The following C2CD2 variants were observed in gnomAD, a reference collection of about 807,000 sequenced individuals.
C2CD2 encodes C2 domain-containing protein 2.
C2CD2 carries 43 observed loss-of-function variants against 74.3 expected under a neutral mutation model. The observed-to-expected ratio is 0.58, with a 90% confidence interval of 0.45 to 0.75. The LOEUF is 0.75. Ranked by LOEUF, C2CD2 falls within the 30% of genes least tolerant of loss-of-function variation. The probability of loss-of-function intolerance (pLI) is 0.00; values close to 1 mark genes in which losing one functional copy is unlikely to be tolerated. For synonymous variants in C2CD2, 422 were observed against 390.7 expected, an observed-to-expected ratio of 1.08 and a Z score of -0.94; for missense variants, 801 against 916.3, an observed-to-expected ratio of 0.87 and a Z score of 1.63.
At chr21:41,908,882 C>T (rs1319141001) in intron 8 of C2CD2, 3 of 153,182 alleles carry the variant, frequency 2.0e-5, no homozygotes, top group African/African-American at 7.2e-5. Context: ...GTGACTTTAC[C>T]TCTAATTGTT....
rs148295903 is a variant in C2CD2 at position 41,922,137 on chromosome 21, G to A, written c.379-52C>T. Reference sequence around the variant, plus strand: ...AACTGTATCCAAAACAAAGGACAGCGCGTGCATACGCATCTTCTTCTTCTT... The same window carrying A: ...AACTGTATCCAAAACAAAGGACAGCACGTGCATACGCATCTTCTTCTTCTT... On this transcript the variant is annotated intron_variant, in intron 2 of 13. Transcript: ENST00000380486. The A allele has an allele frequency of 7.9e-3, 8,046 of 1,015,110 alleles. 41 individuals are homozygous for A. The highest frequency in any genetic ancestry group is 8.9e-3 in the Non-Finnish European group (5,810 of 653,292). 62.9% of individuals were successfully genotyped at this position (1,015,110 alleles called of 1,614,324 possible). A position where few individuals can be genotyped will look rare whatever the true frequency, so the allele number is the denominator to read the frequency against.
rs73363145 is a variant in C2CD2, at chr21:41,903,967, C to T, written c.1432+1757G>A. Among the ~76,000 whole-genome samples, 2,914 of 152,260 alleles carry T rather than the reference C, an allele frequency of 0.019. 104 individuals are homozygous for T. The highest frequency in any genetic ancestry group is 0.067 in the African/African-American group (2,770 of 41,514). ...AGCGGCATTAGTACCAGAGCGGCTCCAGCTCAAATAAGGGCTGGGCAAAAT... is the reference window on the plus strand; with the variant it reads ...AGCGGCATTAGTACCAGAGCGGCTCTAGCTCAAATAAGGGCTGGGCAAAAT... On this transcript the variant is annotated intron_variant, in intron 11 of 13. Coordinates refer to ENST00000380486, the MANE Select transcript of C2CD2 (RefSeq NM_015500.2). The surrounding 1 kb of genome is among the most constrained non-coding windows in gnomAD (Gnocchi z 4.5).
At chr21:41,950,940 A>G (rs1171918341) in intron 1 of C2CD2, among the ~76,000 whole-genome samples, 1 of 152,178 alleles carries the variant, frequency 6.6e-6, no homozygotes, top group East Asian at 1.9e-4. Context: ...GGACAGAGTG[A>G]TATCAGGACA....
chr21:41,940,730 T>C (rs536726452), intron 2 of C2CD2, among the ~76,000 whole-genome samples: 35 of 152,342 alleles, frequency 2.3e-4, no homozygotes, highest in African/African-American at 8.2e-4. Context: ...ATATGGGAAA[T>C]GTACATGTGA....
At chr21:41,914,948 C>T (rs186411806) in intron 5 of C2CD2, among the ~76,000 whole-genome samples, 153 of 152,256 alleles carry the variant, frequency 1.0e-3, no homozygotes, top group African/African-American at 3.4e-3. Flanking sequence ...GCATTTTCTA[C>T]CCCAAATACA....
At chr21:41,908,284 G>A (rs1044514545) in intron 8 of C2CD2, 1 of 87,008 alleles carries the variant, frequency 1.1e-5, no homozygotes, top group African/African-American at 4.0e-5. Context: ...AGTAAGGGGA[G>A]GGAGAGAGAG....
rs2065341602 is a variant in C2CD2 at position 41,939,999 on chromosome 21, G to C, written c.378+2148C>G. ...AATCCGAACATCCCAAATCTGAAAC[G>C]CTCCAAAATCTGAAACTTTTTGAGG... On this transcript the variant is annotated intron_variant, in intron 2 of 13. Transcript: ENST00000380486. This position sits in a 1 kb window ranked among gnomAD's most constrained non-coding sequence, Gnocchi z 5.5. Among the ~76,000 whole-genome samples, 1 of 152,216 alleles carries C rather than the reference G, an allele frequency of 6.6e-6. No homozygotes were observed. Among genetic ancestry groups the C allele is most frequent in the African/African-American group, 2.4e-5 (1 of 41,544 alleles).
At chr21:41,909,695 G>A (rs549669325) in intron 7 of C2CD2, among the ~76,000 whole-genome samples, 172 bp from the exon 8 acceptor site, 4 of 152,082 alleles carry the variant, frequency 2.6e-5, no homozygotes, top group African/African-American at 7.2e-5. Flanking sequence ...CTCCCCATTC[G>A]GAAACAGTTA....
At chr21:41,901,522 C>A (rs766192422) in intron 12 of C2CD2, 100 bp downstream of exon 12, 7 of 1,224,876 alleles carry the variant, frequency 5.7e-6, no homozygotes, top group Non-Finnish European at 8.5e-6. Flanking sequence ...ACTCTCTGGA[C>A]GTTAACCAAG....
chr21:41,917,428 G>C (rs1036398043), intron 5 of C2CD2, among the ~76,000 whole-genome samples: 3 of 152,178 alleles, frequency 2.0e-5, no homozygotes, highest in African/African-American at 4.8e-5. Context: ...GACTATAAGT[G>C]CCTGTTGTAC....
chr21:41,890,989 G>A (rs573060282), intron 13 of C2CD2, among the ~76,000 whole-genome samples: 5 of 152,286 alleles, frequency 3.3e-5, no homozygotes, highest in East Asian at 3.9e-4. Flanking sequence ...TGATCAAAGC[G>A]GCCATAATTT....
In C2CD2 at chr21:41,924,128, C is replaced by G. The variant is rs1259084827; in HGVS notation, c.379-2043G>C. On this transcript the variant is annotated intron_variant, in intron 2 of 13. Coordinates refer to ENST00000380486, the MANE Select transcript of C2CD2 (RefSeq NM_015500.2). The surrounding 1 kb of genome is among the most constrained non-coding windows in gnomAD (Gnocchi z 4.4). ...GGTGGATTTATCAGAATCTAAAATA[C>G]CAAATGGAAAGATTATCAAAATAAT... Among the ~76,000 whole-genome samples, 1 of 152,208 alleles carries G rather than the reference C, an allele frequency of 6.6e-6. No homozygotes were observed. The highest frequency in any genetic ancestry group is 2.4e-5 in the African/African-American group (1 of 41,464).
intron 2 of C2CD2, among the ~76,000 whole-genome samples, chr21:41,941,766 A>G (rs775202422): frequency 1.3e-5 from 2 of 152,120 alleles, no homozygotes; most frequent in Non-Finnish European, 2.9e-5. Flanking sequence ...TTTTCCCCCA[A>G]GAGTCCCTCA....
intron 2 of C2CD2, among the ~76,000 whole-genome samples, chr21:41,940,396 A>G (rs747595082): frequency 2.6e-5 from 4 of 152,322 alleles, no homozygotes; most frequent in Non-Finnish European, 4.4e-5. Flanking sequence ...AAAAATGTTA[A>G]ACACACAAAT....
chr21:41,921,014 C>G (rs879291420), intron 3 of C2CD2, among the ~76,000 whole-genome samples: 1 of 152,202 alleles, frequency 6.6e-6, no homozygotes, highest in South Asian at 2.1e-4. Context: ...CTCTTCAATT[C>G]CCTCAAAGGG....
rs142698391 is a variant in C2CD2, at chr21:41,899,892, A to G, written c.1561-530T>C. Among the ~76,000 whole-genome samples, 159 of 150,998 alleles carry G rather than the reference A, an allele frequency of 1.1e-3. 1 individual carries two copies. The East Asian group carries it at 0.03, about 28-fold the overall frequency. On this transcript the variant is annotated intron_variant, in intron 12 of 13. Transcript: ENST00000380486. The surrounding 1 kb of genome is among the most constrained non-coding windows in gnomAD (Gnocchi z 4.4). ...GGATAGCGCTTCCTTGGAGGGGGGA[A>G]AGTTTGGGGAGGAGGGCACGGGGGC...
intron 2 of C2CD2, among the ~76,000 whole-genome samples, chr21:41,938,744 T>C (rs1196249046): frequency 8.4e-6 from 1 of 119,218 alleles, no homozygotes; most frequent in African/African-American, 4.4e-5. Context: ...TGCTTTCTCT[T>C]TTTTTTTTTT....
intron 6 of C2CD2, 51 bp downstream of exon 6, chr21:41,914,547 T>C: frequency 6.3e-7 from 1 of 1,580,610 alleles, no homozygotes; most frequent in East Asian, 2.3e-5. Flanking sequence ...CCGACTCTGC[T>C]CAGGGGCTGG....
chr21:41,953,542 C>A lies in C2CD2; in HGVS notation c.107G>T (p.Trp36Leu). 1 of 1,480,736 alleles carries A rather than the reference C, an allele frequency of 6.8e-7. No individual in the cohort carries two copies. The highest frequency in any genetic ancestry group is 8.9e-7 in the Non-Finnish European group (1 of 1,121,700). The allele number at this position is 1,480,736 out of a possible 1,614,324, so 91.7% of individuals were successfully genotyped here. The change falls in exon 1 of 14, where the codon TGG (tryptophan) becomes TTG (leucine). Residue 36 changes from tryptophan to leucine, a missense_variant. Trp to Leu is a moderately conservative substitution (Grantham distance 61). Coordinates refer to ENST00000380486, the MANE Select transcript of C2CD2 (RefSeq NM_015500.2). ...CTGGGGTCGCGCCCTGGCCAGCGCC[C>A]ACTGCGCCAGGTACAGGCCTACCGT... ...LATVGLYLAQ[W>L]ALARARPQPQ...
Sources: gnomAD v4.1 joint callset for allele counts (sites outside exome capture counted in the v4.1 genomes callset) on GRCh38, gnomAD v4.1.1 for gene constraint, Gnocchi (gnomAD v3.1) non-coding constraint, MANE v1.5 for transcripts, NCBI Gene and HGNC (gene_info 2026-07-23, HGNC 2026-07-21) for gene names.